ITGAV: variants seen among roughly 807,000 people sequenced by gnomAD.
ITGAV encodes the protein integrin subunit alpha V, also known as integrin alpha-V.
In ITGAV, 76 loss-of-function variants were observed where a neutral mutation model predicts 143.8. The observed-to-expected ratio is 0.53, with a 90% CI of 0.44 to 0.64. The LOEUF (loss-of-function observed/expected upper bound fraction) is 0.64. Among genes scored for constraint, ITGAV ranks in the 30% least tolerant of loss-of-function variants. The pLI is 0.00. For synonymous variants in ITGAV, 453 were observed against 446.7 expected (o/e 1.01, Z -0.18); for missense variants, 1,193 against 1,274.7 (o/e 0.94, Z 0.98).
At position 186,649,836 on chromosome 2, in the gene ITGAV, T is replaced by G. The variant is rs1226099028; in HGVS notation, c.1352-4T>G. ...ATTAACATGTTTTTCCACTCTTTCT[T>G]AAGACTTAATTGTAGGAGCTTTTGG... On this transcript the variant is annotated splice_region_variant and splice_polypyrimidine_tract_variant and intron_variant, in intron 13 of 29. Transcript: ENST00000261023. The G allele has an allele frequency of 6.3e-7, 1 of 1,582,948 alleles. No homozygotes were observed. Among genetic ancestry groups the G allele is most frequent in the Non-Finnish European group, 8.6e-7 (1 of 1,161,366 alleles).
rs1469704450 is a variant in ITGAV at position 186,667,884 on chromosome 2, A to G, written c.2433+108A>G. On this transcript the variant is annotated intron_variant, in intron 24 of 29. Transcript: ENST00000261023. Reference sequence around the variant, plus strand: ...TCTATGTAATTTTTATGTAAACTCTACATTGGTTAAGTATGTGTCAGAGAT... The same window carrying G: ...TCTATGTAATTTTTATGTAAACTCTGCATTGGTTAAGTATGTGTCAGAGAT... 1.3e-5 allele frequency: 7 copies of G among 524,352 alleles called. No individual in the cohort carries two copies. The South Asian group carries it at 2.7e-4, about 20-fold the overall frequency. The allele number at this position is 524,352 out of a possible 1,614,324, so 32.5% of individuals were successfully genotyped here. A position where few individuals can be genotyped will look rare whatever the true frequency, so the allele number is the denominator to read the frequency against.
At chr2:186,619,322 T>C (rs1687457976) in intron 2 of ITGAV, among the ~76,000 whole-genome samples, 1 of 152,060 alleles carries the variant, frequency 6.6e-6, no homozygotes, top group African/African-American at 2.4e-5. Flanking sequence ...AAACACTGCA[T>C]GTTTTCAGTC....
chr2:186,664,212 AT>A (rs1399648174), intron 19 of ITGAV, among the ~76,000 whole-genome samples: 4 of 152,218 alleles, frequency 2.6e-5, no homozygotes, highest in African/African-American at 9.6e-5. Flanking sequence ...TTTTAGAAAA[AT>A]ATTGGGGAAT....
At chr2:186,622,109 G>T (rs1687542590) in intron 2 of ITGAV, among the ~76,000 whole-genome samples, 1 of 152,142 alleles carries the variant, frequency 6.6e-6, no homozygotes, top group African/African-American at 2.4e-5. Context: ...TGTGTATTAT[G>T]ATAATGGGGC....
intron 13 of ITGAV, among the ~76,000 whole-genome samples, chr2:186,647,138 A>G (rs932707685): frequency 2.0e-5 from 3 of 152,200 alleles, no homozygotes; most frequent in African/African-American, 7.2e-5. Context: ...TACAGAAGTT[A>G]TAAACAAAAG....
intron 18 of ITGAV, among the ~76,000 whole-genome samples, chr2:186,660,800 T>C (rs1688724453): frequency 1.3e-5 from 2 of 152,158 alleles, no homozygotes; most frequent in African/African-American, 4.8e-5. Flanking sequence ...AGCCTAGAAG[T>C]CTGAGATCCA....
At position 186,669,758 on chromosome 2, in the gene ITGAV, G is replaced by T. The variant is rs752218570; in HGVS notation, c.2650G>T (p.Asp884Tyr). Residue 884 changes from aspartate (D) to tyrosine (Y), a missense_variant, in exon 26 of 30, where the codon GAC (aspartate) becomes TAC (tyrosine). Coordinates refer to ENST00000261023, the MANE Select transcript of ITGAV (RefSeq NM_002210.5). ...NDTVAGQGER[D>Y]HLITKRDLAL... Reference sequence around the variant, plus strand: ...CACGGTTGCCGGGCAAGGTGAGCGGGACCATCTCATCACTAAGCGGGATCT... The same window carrying T: ...CACGGTTGCCGGGCAAGGTGAGCGGTACCATCTCATCACTAAGCGGGATCT... 6.2e-7 allele frequency: 1 copy of T among 1,614,100 alleles called. No individual in the cohort carries two copies. The highest frequency in any genetic ancestry group is 8.5e-7 in the Non-Finnish European group (1 of 1,180,006).
Position 186,667,723 on chromosome 2 carries a change from G to A in ITGAV, c.2380G>A (p.Glu794Lys). Residue 794 changes from glutamate to lysine, a missense_variant, in exon 24 of 30, where the codon GAG (glutamate) becomes AAG (lysine). By Grantham distance (56) the Glu-to-Lys change is moderately conservative. Transcript: ENST00000261023. Reference protein sequence around the residue: ...FLPIPNWEHKENPETEEDVGP... With the variant: ...FLPIPNWEHKKNPETEEDVGP... Reference sequence around the variant, plus strand: ...TCCGATTCCAAACTGGGAGCACAAGGAGAACCCTGAGACTGAAGAAGATGT... The same window carrying A: ...TCCGATTCCAAACTGGGAGCACAAGAAGAACCCTGAGACTGAAGAAGATGT... 1 of 1,611,428 alleles carries A rather than the reference G, an allele frequency of 6.2e-7. No individual in the cohort carries two copies. The highest frequency in any genetic ancestry group is 8.5e-7 in the Non-Finnish European group (1 of 1,178,212).
chr2:186,615,071 T>C (rs902449042), intron 2 of ITGAV, among the ~76,000 whole-genome samples: 2 of 152,156 alleles, frequency 1.3e-5, no homozygotes, highest in African/African-American at 4.8e-5. Flanking sequence ...TACATATTTT[T>C]GGTTTTGGAT....
At chr2:186,609,326 C>G (rs1346727996) in intron 2 of ITGAV, among the ~76,000 whole-genome samples, 1 of 152,104 alleles carries the variant, frequency 6.6e-6, no homozygotes, top group South Asian at 2.1e-4. Context: ...GTAACTGTTG[C>G]TTGTCACGTG....
chr2:186,671,161 C>T (rs760646082), intron 26 of ITGAV, among the ~76,000 whole-genome samples: 2 of 152,136 alleles, frequency 1.3e-5, no homozygotes, highest in Non-Finnish European at 2.9e-5. Context: ...TGCCTTTCTC[C>T]CCACTATACT....
Position 186,590,293 on chromosome 2 carries a change from G to A in ITGAV, c.-46G>A, listed in dbSNP as rs371304830. 531 of 1,451,770 alleles carry A rather than the reference G, an allele frequency of 3.7e-4. 4 individuals are homozygous for A. The highest frequency in any genetic ancestry group is 1.8e-3 in the Middle Eastern group (7 of 3,958). 89.9% of individuals were successfully genotyped at this position (1,451,770 alleles called of 1,614,324 possible). A position where few individuals can be genotyped will look rare whatever the true frequency, so the allele number is the denominator to read the frequency against. On this transcript the variant is annotated 5_prime_UTR_variant, in exon 1 of 30. Transcript: ENST00000261023. ...ACTGGGCGCCTCGCTGGGGCGGGGG[G>A]AGGTGGCTACCGCTCCCGGCTTGGC...
chr2:186,621,430 A>G lies in ITGAV; in HGVS notation c.317-909A>G, dbSNP rs150398039. Among the ~76,000 whole-genome samples, 123 of 152,322 alleles carry G rather than the reference A, an allele frequency of 8.1e-4. No individual in the cohort carries two copies. The East Asian group carries it at 0.022, about 28-fold the overall frequency. On this transcript the variant is annotated intron_variant, in intron 2 of 29. Transcript: ENST00000261023. ...ATTATTATGAAGAATATTAACAGTAACAATGTAATTATTGCTGAATTAAAC... is the reference window on the plus strand; with the variant it reads ...ATTATTATGAAGAATATTAACAGTAGCAATGTAATTATTGCTGAATTAAAC...
chr2:186,656,011 T>TG (rs1460803951), intron 16 of ITGAV, among the ~76,000 whole-genome samples: 1 of 152,184 alleles, frequency 6.6e-6, no homozygotes, highest in African/African-American at 2.4e-5. Flanking sequence ...ATCATTTTTT[T>TG]GGGAATTATT....
At chr2:186,626,594 A>G (rs1378836325) in intron 4 of ITGAV, among the ~76,000 whole-genome samples, 1 of 152,224 alleles carries the variant, frequency 6.6e-6, no homozygotes, top group African/African-American at 2.4e-5. Context: ...CAAAGGAACT[A>G]TTCTGTCCTC....
chr2:186,647,022 A>G (rs922895280), intron 13 of ITGAV, 145 bp downstream of exon 13: 7 of 601,492 alleles, frequency 1.2e-5, no homozygotes, highest in Non-Finnish European at 1.9e-5. Context: ...TCAAGGCATC[A>G]TTCCCGTCAC....
intron 18 of ITGAV, among the ~76,000 whole-genome samples, chr2:186,661,295 A>G (rs1053532784): frequency 1.3e-5 from 2 of 152,208 alleles, no homozygotes; most frequent in Non-Finnish European, 2.9e-5. Context: ...CAAATACTCA[A>G]GTTGTTCTAA....
At chr2:186,614,230 C>T (rs1687292489) in intron 2 of ITGAV, among the ~76,000 whole-genome samples, 1 of 152,006 alleles carries the variant, frequency 6.6e-6, no homozygotes, top group South Asian at 2.1e-4. Flanking sequence ...TTAAATCTCA[C>T]CACTCAGGAA....
chr2:186,633,339 T>C lies in ITGAV; in HGVS notation c.596T>C (p.Val199Ala). 1 of 1,586,718 alleles carries C rather than the reference T, an allele frequency of 6.3e-7. No homozygotes were observed. Among genetic ancestry groups the C allele is most frequent in the Non-Finnish European group, 8.6e-7 (1 of 1,160,216 alleles). Residue 199 changes from valine (V) to alanine (A), a missense_variant, in exon 6 of 30, where the codon GTA becomes GCA. Val to Ala is a moderately conservative substitution (Grantham distance 64). Coordinates refer to ENST00000261023, the MANE Select transcript of ITGAV (RefSeq NM_002210.5). ...FSIDFTKADRVLLGGPGSFYW... is the reference protein window; with the variant it reads ...FSIDFTKADRALLGGPGSFYW... ...TGTGATTTCATCTAGGCTGACAGAGTACTTCTTGGTGGTCCTGGTAGCTTT... is the reference window on the plus strand; with the variant it reads ...TGTGATTTCATCTAGGCTGACAGAGCACTTCTTGGTGGTCCTGGTAGCTTT...
Sources: gnomAD v4.1 joint callset for allele counts (sites outside exome capture counted in the v4.1 genomes callset) on GRCh38, gnomAD v4.1.1 for gene constraint, MANE v1.5 for transcripts, NCBI Gene and HGNC (gene_info 2026-07-23, HGNC 2026-07-21) for gene names.